Variants in C1orf94 observed in about 807,000 individuals in gnomAD.
C1orf94 encodes the protein uncharacterized protein C1orf94.
In C1orf94, 45 loss-of-function variants were observed where a neutral mutation model predicts 53.6. The ratio of observed to expected loss-of-function variants is 0.84; its 90% CI spans 0.66 to 1.08. The LOEUF (loss-of-function observed/expected upper bound fraction) is 1.08. C1orf94 is among the 50% of genes least tolerant of loss of function. The pLI is 0.00. For missense variants in C1orf94, 762 were observed against 738.9 expected (o/e 1.03, Z -0.36); for synonymous variants, 304 against 296.1 (o/e 1.03, Z -0.27).
At chr1:34,189,906 G>T (rs762238825) in intron 1 of C1orf94, among the ~76,000 whole-genome samples, 7 of 152,216 alleles carry the variant, frequency 4.6e-5, no homozygotes, top group African/African-American at 2.4e-5. Context: ...GACAGAGCTG[G>T]GTTTTGAATC....
chr1:34,178,880 C>T (rs1289028485), intron 1 of C1orf94, among the ~76,000 whole-genome samples: 5 of 152,256 alleles, frequency 3.3e-5, no homozygotes, highest in African/African-American at 1.2e-4. Context: ...CGTTTTGCAT[C>T]TTCAAAGTGG....
chr1:34,169,917 C>G (rs1478782401), intron 1 of C1orf94, among the ~76,000 whole-genome samples: 1 of 152,210 alleles, frequency 6.6e-6, no homozygotes, highest in African/African-American at 2.4e-5. Context: ...AGGCTGTGGG[C>G]TTCTGAAACC....
intron 6 of C1orf94, among the ~76,000 whole-genome samples, chr1:34,212,667 A>G (rs1642915337): frequency 6.6e-6 from 1 of 152,166 alleles, no homozygotes; most frequent in East Asian, 1.9e-4. Flanking sequence ...GGTCCATAAC[A>G]TATGGATACC....
intron 4 of C1orf94, among the ~76,000 whole-genome samples, chr1:34,206,963 T>C (rs548642352): frequency 9.2e-5 from 14 of 152,258 alleles, no homozygotes; most frequent in African/African-American, 3.1e-4. Flanking sequence ...CTTGGGGACC[T>C]GGAAGATGGA....
intron 1 of C1orf94, among the ~76,000 whole-genome samples, chr1:34,186,129 C>CTGGG (rs1642381707): frequency 6.6e-6 from 1 of 152,146 alleles, no homozygotes; most frequent in African/African-American, 2.4e-5. Flanking sequence ...ACAACTATGT[C>CTGGG]CCACCTCTTT....
rs145305752 is a variant in C1orf94 at position 34,195,716 on chromosome 1, A to T, written c.321-1509A>T. On this transcript the variant is annotated intron_variant, in intron 1 of 6. Coordinates refer to ENST00000488417, the MANE Select transcript of C1orf94 (RefSeq NM_001134734.2). ...TTCTGATTGACTGTTAAATGCAGTGACTACTCCCCTGGGTCTGTGTATGGT... is the reference window on the plus strand; with the variant it reads ...TTCTGATTGACTGTTAAATGCAGTGTCTACTCCCCTGGGTCTGTGTATGGT... 3.0e-3 allele frequency among the ~76,000 whole-genome samples: 459 copies of T among 151,944 alleles called. 3 individuals carry two copies. The highest frequency in any genetic ancestry group is 0.027 in the South Asian group (132 of 4,806).
intron 1 of C1orf94, among the ~76,000 whole-genome samples, chr1:34,168,219 AGT>A (rs1642080244): frequency 6.6e-6 from 1 of 152,188 alleles, no homozygotes. Context: ...TCAAGGCTGC[AGT>A]GAGCCATGAT....
upstream of C1orf94, among the ~76,000 whole-genome samples, chr1:34,172,528 G>C (rs1473008989): frequency 6.6e-6 from 1 of 152,136 alleles, no homozygotes; most frequent in African/African-American, 2.4e-5. Context: ...TATATACAAA[G>C]CCACCTTTAT....
At position 34,178,056 on chromosome 1, in the gene C1orf94, C is replaced by G. The variant is rs1165302075; in HGVS notation, c.267C>G (p.Leu89=). Reference sequence around the variant, plus strand: ...AGCCCTGGACCTCCATGGAGCAGCTCTCTGTCCCTGTGGTTGGAACTCTAA... The same window carrying G: ...AGCCCTGGACCTCCATGGAGCAGCTGTCTGTCCCTGTGGTTGGAACTCTAA... ...ASQPWTSMEQ[L]SVPVVGTLRG... Residue 89 remains leucine, a synonymous_variant, in exon 1 of 7, where the codon CTC becomes CTG. Coordinates refer to ENST00000488417, the MANE Select transcript of C1orf94 (RefSeq NM_001134734.2). 1.3e-6 allele frequency: 2 copies of G among 1,551,738 alleles called. No homozygotes were observed. The highest frequency in any genetic ancestry group is 1.4e-5 in the African/African-American group (1 of 73,168).
At chr1:34,174,848 G>A (rs192578585), upstream of C1orf94, among the ~76,000 whole-genome samples, 20 of 152,196 alleles carry the variant, frequency 1.3e-4, no homozygotes, top group Admixed American at 1.3e-3. Context: ...GCCAGAAAAC[G>A]TGAACTCAGA....
At chr1:34,194,021 G>A (rs1032551128) in intron 1 of C1orf94, among the ~76,000 whole-genome samples, 1 of 152,158 alleles carries the variant, frequency 6.6e-6, no homozygotes, top group Non-Finnish European at 1.5e-5. Context: ...TGGAGACAAG[G>A]AGGTGGTTGC....
intron 1 of C1orf94, among the ~76,000 whole-genome samples, chr1:34,170,238 A>G (rs1325389024): frequency 6.6e-6 from 1 of 152,220 alleles, no homozygotes; most frequent in East Asian, 1.9e-4. Flanking sequence ...AGTCTGTGCT[A>G]GGTGTTGAGG....
chr1:34,211,762 G>C (rs1381230949), intron 5 of C1orf94, among the ~76,000 whole-genome samples: 1 of 152,118 alleles, frequency 6.6e-6, no homozygotes, highest in Non-Finnish European at 1.5e-5. Flanking sequence ...CTGTTGAAAG[G>C]CTCTCAAGAG....
Position 34,202,231 on chromosome 1 carries a change from C to T in C1orf94, c.1418C>T (p.Thr473Met), listed in dbSNP as rs140728068. 45 of 1,614,186 alleles carry T rather than the reference C, an allele frequency of 2.8e-5. No homozygotes were observed. In the Admixed American group the frequency reaches 3.3e-4, roughly 12 times the overall value. ...AACTATCCACCTCCACCAGTGTTCACGAATCACTCTACCTTCTTGCAGTAT... is the reference window on the plus strand; with the variant it reads ...AACTATCCACCTCCACCAGTGTTCATGAATCACTCTACCTTCTTGCAGTAT... ...NLNYPPPPVF[T>M]NHSTFLQYQG... The change falls in exon 4 of 7, where the codon ACG (threonine) becomes ATG (methionine). Residue 473 changes from threonine (T) to methionine (M), a missense_variant. Transcript: ENST00000488417.
intron 4 of C1orf94, among the ~76,000 whole-genome samples, chr1:34,206,516 C>T (rs1191391151): frequency 6.6e-6 from 1 of 152,228 alleles, no homozygotes; most frequent in Admixed American, 6.5e-5. Flanking sequence ...TGCACACACA[C>T]AATTGCACAC....
At chr1:34,210,130 T>G (rs1642866087) in intron 5 of C1orf94, among the ~76,000 whole-genome samples, 1 of 152,100 alleles carries the variant, frequency 6.6e-6, no homozygotes, top group Non-Finnish European at 1.5e-5. Context: ...CAGGGGCACA[T>G]TTTTTTATAA....
At chr1:34,181,712 A>G (rs1190607811) in intron 1 of C1orf94, among the ~76,000 whole-genome samples, 1 of 152,236 alleles carries the variant, frequency 6.6e-6, no homozygotes, top group Non-Finnish European at 1.5e-5. Flanking sequence ...GAAACACACA[A>G]AAATAAACAA....
chr1:34,213,280 C>T (rs576964477), intron 6 of C1orf94, among the ~76,000 whole-genome samples: 1 of 152,306 alleles, frequency 6.6e-6, no homozygotes, highest in Admixed American at 6.5e-5. Context: ...ACCTTCCCTG[C>T]AGTGCCGACC....
At chr1:34,168,165 A>T (rs1320260393) in intron 1 of C1orf94, among the ~76,000 whole-genome samples, 2 of 152,102 alleles carry the variant, frequency 1.3e-5, no homozygotes, top group Non-Finnish European at 2.9e-5. Flanking sequence ...ATTAAGCAAG[A>T]TGCTCAGGAG....
Sources: gnomAD v4.1 joint callset for allele counts (sites outside exome capture counted in the v4.1 genomes callset) on GRCh38, gnomAD v4.1.1 for gene constraint, MANE v1.5 for transcripts, NCBI Gene and HGNC (gene_info 2026-07-23, HGNC 2026-07-21) for gene names.